Variants in WDR72 observed in about 807,000 individuals in gnomAD.
The protein encoded by WDR72 is WD repeat-containing protein 72.
A neutral mutation model predicts 124.2 loss-of-function variants in WDR72; 120 were observed. That is an observed-to-expected ratio of 0.97 (90% CI 0.83 to 1.12). WDR72 has a LOEUF of 1.12. WDR72 is among the 50% of genes most tolerant of loss of function. The pLI is 0.00. For missense variants in WDR72, 1,387 were observed against 1,278.8 expected, an observed-to-expected ratio of 1.08 and a Z score of -1.29; for synonymous variants, 452 against 441.7, an observed-to-expected ratio of 1.02 and a Z score of -0.29.
chr15:53,721,708 C>T (rs16966558), intron 3 of WDR72, among the ~76,000 whole-genome samples: 2,931 of 152,232 alleles, frequency 0.019, 97 homozygotes, highest in African/African-American at 0.067. Context: ...AATTCAGAAG[C>T]GTATAATTTC....
chr15:53,748,263 C>T (rs1429390257), intron 1 of WDR72, among the ~76,000 whole-genome samples: 2 of 152,122 alleles, frequency 1.3e-5, no homozygotes, highest in African/African-American at 2.4e-5. Flanking sequence ...GGTCTTGACT[C>T]ATGTTTTTCT....
intron 2 of WDR72, among the ~76,000 whole-genome samples, chr15:53,724,294 T>C (rs1225562126): frequency 6.6e-6 from 1 of 152,184 alleles, no homozygotes; most frequent in East Asian, 1.9e-4. Flanking sequence ...GTCTTAAGAG[T>C]TCTTGCCACA....
At chr15:53,576,621 C>A (rs916413765) in intron 18 of WDR72, among the ~76,000 whole-genome samples, 3 of 152,034 alleles carry the variant, frequency 2.0e-5, no homozygotes, top group African/African-American at 7.2e-5. Flanking sequence ...TACACACATA[C>A]AGAATTTTTC....
chr15:53,625,620 G>T (rs778919804), intron 14 of WDR72, among the ~76,000 whole-genome samples: 2 of 152,172 alleles, frequency 1.3e-5, no homozygotes, highest in African/African-American at 2.4e-5. Context: ...TTTGGGAAAA[G>T]ATACTGAGTC....
intron 13 of WDR72, among the ~76,000 whole-genome samples, chr15:53,670,153 G>T (rs979706998): frequency 2.0e-5 from 3 of 151,874 alleles, no homozygotes; most frequent in African/African-American, 4.8e-5. Flanking sequence ...TAAATATTTT[G>T]TATTTTTCTA....
Position 53,523,339 on chromosome 15 carries a change from A to G in WDR72, c.3149-17T>C, listed in dbSNP as rs201271164. On this transcript the variant is annotated splice_polypyrimidine_tract_variant and intron_variant, in intron 18 of 19. Coordinates refer to ENST00000360509, the MANE Select transcript of WDR72 (RefSeq NM_182758.4). ...TGACTGGAGCTATTAAAAGAGAGAG[A>G]GAGAGAGAGAGAGACAGAAGAGAGA... 1.8e-5 allele frequency: 29 copies of G among 1,608,758 alleles called. No individual in the cohort carries two copies. In the East Asian group the frequency reaches 6.5e-4, roughly 36 times the overall value.
chr15:53,720,909 C>T (rs1220891384), intron 3 of WDR72, among the ~76,000 whole-genome samples: 2 of 152,134 alleles, frequency 1.3e-5, no homozygotes, highest in Non-Finnish European at 2.9e-5. Context: ...AACTCTGGGT[C>T]CCCTCTGGTC....
At chr15:53,667,318 C>T (rs191372250) in intron 13 of WDR72, among the ~76,000 whole-genome samples, 1 of 152,290 alleles carries the variant, frequency 6.6e-6, no homozygotes, top group Admixed American at 6.5e-5. Context: ...CACGCCACTG[C>T]ACTCCAGCCT....
chr15:53,557,216 T>C (rs76313246), intron 18 of WDR72, among the ~76,000 whole-genome samples: 1,611 of 152,246 alleles, frequency 0.011, 102 homozygotes, highest in Admixed American at 0.075. Context: ...AGTGTCATTA[T>C]ACTTAGCTTT....
At chr15:53,758,820 A>AC (rs1272970069) in intron 1 of WDR72, among the ~76,000 whole-genome samples, 7 of 140,658 alleles carry the variant, frequency 5.0e-5, no homozygotes, top group Non-Finnish European at 1.1e-4. Flanking sequence ...CCATACACCT[A>AC]CGTTTTGTTT....
intron 13 of WDR72, among the ~76,000 whole-genome samples, chr15:53,688,464 T>C (rs1214568528): frequency 6.6e-6 from 1 of 151,560 alleles, no homozygotes; most frequent in African/African-American, 2.4e-5. Flanking sequence ...CCATTCACAA[T>C]TGCTTCAAAG....
upstream of WDR72, among the ~76,000 whole-genome samples, chr15:53,761,688 G>A (rs1038295115): frequency 5.3e-5 from 8 of 152,098 alleles, no homozygotes; most frequent in African/African-American, 9.7e-5. Context: ...TTAGCCAGGC[G>A]TGGTGGCTGT....
intron 14 of WDR72, among the ~76,000 whole-genome samples, chr15:53,629,765 CCA>C (rs151292294): frequency 0.032 from 4,906 of 152,120 alleles, 95 homozygotes; most frequent in Non-Finnish European, 0.037. Context: ...CTCTCTAGCT[CCA>C]CAGTCTTGAA....
chr15:53,693,761 C>G (rs1398074443), intron 13 of WDR72, among the ~76,000 whole-genome samples: 1 of 152,194 alleles, frequency 6.6e-6, no homozygotes, highest in Non-Finnish European at 1.5e-5. Context: ...GTGAAAATAA[C>G]TCTGAAACGT....
chr15:53,528,772 C>A (rs1007725406), intron 18 of WDR72, among the ~76,000 whole-genome samples: 2 of 151,844 alleles, frequency 1.3e-5, no homozygotes, highest in African/African-American at 4.8e-5. Flanking sequence ...AGACCCCCAG[C>A]CAAGTTTGGG....
intron 18 of WDR72, among the ~76,000 whole-genome samples, chr15:53,538,328 T>G (rs773639872): frequency 1.5e-4 from 23 of 152,208 alleles, no homozygotes; most frequent in Admixed American, 5.2e-4. Context: ...CACCATCACT[T>G]GTGCATGGTT....
intron 13 of WDR72, among the ~76,000 whole-genome samples, chr15:53,697,240 T>C (rs568809589): frequency 1.3e-5 from 2 of 152,306 alleles, no homozygotes; most frequent in Admixed American, 6.5e-5. Context: ...TATCGATTAT[T>C]GTCCATGTGA....
intron 18 of WDR72, among the ~76,000 whole-genome samples, chr15:53,583,678 A>G (rs2012050592): frequency 6.6e-6 from 1 of 152,062 alleles, no homozygotes; most frequent in African/African-American, 2.4e-5. Context: ...GCCCTGTGTT[A>G]CAGGTACTTT....
intron 1 of WDR72, among the ~76,000 whole-genome samples, chr15:53,736,463 A>G (rs879460379): frequency 6.6e-6 from 1 of 152,234 alleles, no homozygotes. Flanking sequence ...AGGTTCCTCA[A>G]CAAGGAGTGT....
Sources: gnomAD v4.1 joint callset for allele counts (sites outside exome capture counted in the v4.1 genomes callset) on GRCh38, gnomAD v4.1.1 for gene constraint, MANE v1.5 for transcripts, NCBI Gene and HGNC (gene_info 2026-07-23, HGNC 2026-07-21) for gene names.